LIMA1: variants seen among roughly 807,000 people sequenced by gnomAD.
The protein encoded by LIMA1 is LIM domain and actin binding 1, also known as LIM domain and actin-binding protein 1.
Under a neutral mutation model 62.6 loss-of-function variants are expected in LIMA1, and 52 were observed. That is an observed-to-expected ratio of 0.83 (90% CI 0.67 to 1.05). LIMA1 has a LOEUF of 1.05. Among genes scored for constraint, LIMA1 ranks in the 50% least tolerant of loss-of-function variants. The pLI is 0.00. For synonymous variants in LIMA1, 302 were observed against 317.8 expected (o/e 0.95, Z 0.53); for missense variants, 780 against 902.2 (o/e 0.86, Z 1.74).
At chr12:50,198,024 G>C (rs1940967422) in intron 7 of LIMA1, among the ~76,000 whole-genome samples, 1 of 152,158 alleles carries the variant, frequency 6.6e-6, no homozygotes, top group Non-Finnish European at 1.5e-5. Flanking sequence ...TGTAACACAT[G>C]ACTGCCAAGT....
In LIMA1 at chr12:50,183,782, G is replaced by A. The variant is rs1299808830; in HGVS notation, c.1141-1745C>T. Reference sequence around the variant, plus strand: ...GCCGAGATTGAGCCACTGCACTCCAGCTTGGGCAACAGAGTGAGACTTGGT... The same window carrying A: ...GCCGAGATTGAGCCACTGCACTCCAACTTGGGCAACAGAGTGAGACTTGGT... On this transcript the variant is annotated intron_variant, in intron 9 of 10. Transcript: ENST00000341247. Among the ~76,000 whole-genome samples, 3 of 121,350 alleles carry A rather than the reference G, an allele frequency of 2.5e-5. No individual in the cohort carries two copies. In the Admixed American group the frequency reaches 3.5e-4, roughly 14 times the overall value. 79.6% of individuals were successfully genotyped at this position (121,350 alleles called of 152,430 possible). A position where few individuals can be genotyped will look rare whatever the true frequency, so the allele number is the denominator to read the frequency against.
intron 1 of LIMA1, among the ~76,000 whole-genome samples, chr12:50,279,501 A>T (rs1253760127): frequency 1.3e-5 from 2 of 152,166 alleles, no homozygotes; most frequent in East Asian, 3.8e-4. Flanking sequence ...CATGGAAAGA[A>T]ATCAGATTAT....
intron 1 of LIMA1, among the ~76,000 whole-genome samples, chr12:50,277,201 A>C (rs1462331888): frequency 6.6e-6 from 1 of 151,878 alleles, no homozygotes; most frequent in East Asian, 1.9e-4. Flanking sequence ...AAAAAATACC[A>C]ATCTTTTTGA....
At chr12:50,222,652 G>A (rs774705248) in intron 3 of LIMA1, 167 bp from the exon 4 acceptor site, 81 of 1,527,076 alleles carry the variant, frequency 5.3e-5, no homozygotes, top group Non-Finnish European at 6.0e-5. Context: ...GCATCCACCC[G>A]GCAGAGGGAG....
chr12:50,214,044 A>ACACACACACACACACACACACACG (rs796917407), intron 4 of LIMA1, among the ~76,000 whole-genome samples: 15 of 150,866 alleles, frequency 9.9e-5, no homozygotes, highest in African/African-American at 2.9e-4. Context: ...ACACACACAC[A>ACACACACACACACACACACACACG]CACACACGAG....
intron 10 of LIMA1, among the ~76,000 whole-genome samples, chr12:50,180,696 T>C (rs1940479295): frequency 6.6e-6 from 1 of 152,200 alleles, no homozygotes; most frequent in Non-Finnish European, 1.5e-5. Flanking sequence ...TTAGGAGATT[T>C]GGTGTCTCTT....
chr12:50,235,276 T>TC (rs1297803010), intron 2 of LIMA1, among the ~76,000 whole-genome samples: 1 of 145,596 alleles, frequency 6.9e-6, no homozygotes, highest in Non-Finnish European at 1.5e-5. Flanking sequence ...CCTATCACTT[T>TC]TTTTTTTTTT....
intron 4 of LIMA1, among the ~76,000 whole-genome samples, chr12:50,210,189 G>A (rs1040741661): frequency 2.0e-5 from 3 of 151,964 alleles, no homozygotes; most frequent in Admixed American, 1.3e-4. Flanking sequence ...TTGGGAGGCC[G>A]AGGCAGGTGG....
rs1485254268 is a variant in LIMA1 at position 50,204,409 on chromosome 12, G to A, written c.864+143C>T. ...ATGGTAAGAACTGCAAATCCAGCGA[G>A]GGTAGGGTTCATGTGAAAAGAGAAC... On this transcript the variant is annotated intron_variant, in intron 6 of 10. Transcript: ENST00000341247. The A allele has an allele frequency of 5.4e-6, 5 of 925,910 alleles. No individual in the cohort carries two copies. The African/African-American group carries it at 8.3e-5, about 15-fold the overall frequency. The allele number at this position is 925,910 out of a possible 1,614,324, so 57.4% of individuals were successfully genotyped here.
chr12:50,283,083 G>A (rs1942359572), intron 1 of LIMA1, among the ~76,000 whole-genome samples: 1 of 152,080 alleles, frequency 6.6e-6, no homozygotes, highest in South Asian at 2.1e-4. Flanking sequence ...TTCCCTGGAA[G>A]GAGGGTATTT....
intron 8 of LIMA1, among the ~76,000 whole-genome samples, chr12:50,194,018 C>T (rs1194532299): frequency 1.4e-5 from 2 of 143,106 alleles, no homozygotes; most frequent in East Asian, 2.1e-4. Context: ...GATGGATTTT[C>T]ACTCTGCTGC....
At chr12:50,228,992 G>A (rs1157135615) in intron 3 of LIMA1, among the ~76,000 whole-genome samples, 1 of 152,100 alleles carries the variant, frequency 6.6e-6, no homozygotes, top group Non-Finnish European at 1.5e-5. Flanking sequence ...AAAGTTCTGG[G>A]ATTACAGGCA....
chr12:50,231,784 TGAGATGAAGTCTCACGCTTATTGCCCA>T (rs1941615166), intron 2 of LIMA1, 74 bp from the exon 3 acceptor site: 1 of 1,433,114 alleles, frequency 7.0e-7, no homozygotes, highest in African/African-American at 1.4e-5. Context: ...TATCTTTTTT[TGAGATGAAGTCTCACGCTTATTGCCCA>T]GGCTGCAGTG....
chr12:50,199,521 T>C (rs1158413447), intron 7 of LIMA1, among the ~76,000 whole-genome samples: 2 of 152,162 alleles, frequency 1.3e-5, no homozygotes, highest in Non-Finnish European at 2.9e-5. Context: ...ATATCTTTGC[T>C]CTGGGCTTCT....
chr12:50,238,548 C>T (rs942736066), intron 2 of LIMA1, among the ~76,000 whole-genome samples: 11 of 151,108 alleles, frequency 7.3e-5, no homozygotes, highest in African/African-American at 2.7e-4. Flanking sequence ...ACAAAAAAAA[C>T]TTTTGCGCAT....
intron 8 of LIMA1, 107 bp from the exon 9 acceptor site, chr12:50,192,668 TC>T: frequency 1.4e-6 from 1 of 726,452 alleles, no homozygotes. Context: ...GACAGATCCT[TC>T]CAACACCAGG....
intron 2 of LIMA1, among the ~76,000 whole-genome samples, chr12:50,238,048 C>T (rs1344540494): frequency 2.0e-5 from 3 of 152,022 alleles, no homozygotes; most frequent in African/African-American, 4.8e-5. Context: ...TATTTTTTGT[C>T]GTTTTTCTTT....
intron 1 of LIMA1, 79 bp downstream of exon 1, chr12:50,283,341 A>T (rs1278816035): frequency 6.6e-6 from 1 of 152,226 alleles, no homozygotes; most frequent in Non-Finnish European, 1.5e-5. Flanking sequence ...CCCGCCCCAA[A>T]AGTCGAAGGA....
At chr12:50,250,049 T>G (rs565325685) in intron 1 of LIMA1, among the ~76,000 whole-genome samples, 3 of 152,038 alleles carry the variant, frequency 2.0e-5, no homozygotes, top group African/African-American at 7.2e-5. Flanking sequence ...CTCAACACTT[T>G]GGGAGGCCGA....
Sources: allele counts gnomAD v4.1 joint callset (sites outside exome capture counted in the v4.1 genomes callset), GRCh38; gene constraint gnomAD v4.1.1; transcripts MANE v1.5; gene names NCBI Gene and HGNC (gene_info 2026-07-23, HGNC 2026-07-21).